The following CD160 variants were observed in gnomAD, a reference collection of about 807,000 sequenced individuals.
CD160 encodes the protein CD160 molecule.
In CD160, 11 loss-of-function variants were observed where a neutral mutation model predicts 19.2. The observed-to-expected ratio is 0.57, with a 90% CI of 0.36 to 0.95. CD160 has a LOEUF of 0.95. CD160 is among the 40% of genes least tolerant of loss of function. The pLI, the probability that CD160 is intolerant of heterozygous loss-of-function variation, is 0.01. For synonymous variants in CD160, 75 were observed against 81.1 expected (o/e 0.93, Z 0.40); for missense variants, 182 against 213.2 (o/e 0.85, Z 0.91).
chr1:145,736,371 A>G, intron 5 of CD160: 1 of 1,211,662 alleles, frequency 8.3e-7, no homozygotes, highest in Non-Finnish European at 1.1e-6. Flanking sequence ...ACTCATTAGG[A>G]ATGAAGGCCT....
chr1:145,721,022 C>A (rs1358137572), intron 1 of CD160, among the ~76,000 whole-genome samples: 1 of 152,202 alleles, frequency 6.6e-6, no homozygotes, highest in Non-Finnish European at 1.5e-5. Flanking sequence ...GCACCCTCCC[C>A]CCTGCCCGCG....
At chr1:145,723,327 AT>A (rs1656925893) in intron 1 of CD160, among the ~76,000 whole-genome samples, 1 of 152,058 alleles carries the variant, frequency 6.6e-6, no homozygotes. Flanking sequence ...ATGTTGTTAC[AT>A]TTTTCTGGAC....
intron 4 of CD160, among the ~76,000 whole-genome samples, chr1:145,735,217 C>T (rs1272348522): frequency 6.6e-6 from 1 of 152,192 alleles, no homozygotes; most frequent in African/African-American, 2.4e-5. Flanking sequence ...TCTCCATGGT[C>T]TTTTGAGCTA....
Position 145,735,381 on chromosome 1 carries a change from T to G in CD160, c.401-616T>G, listed in dbSNP as rs188820525. 1.9e-3 allele frequency among the ~76,000 whole-genome samples: 295 copies of G among 151,820 alleles called. 2 individuals carry two copies. Among genetic ancestry groups the G allele is most frequent in the Non-Finnish European group, 2.6e-3 (178 of 67,906 alleles). On this transcript the variant is annotated intron_variant, in intron 4 of 5. Transcript: ENST00000369288. ...CAGGTGCATCACTTGAACCCAGGAGTTCGAGACCAGCCTGGGCAACACAGT... is the reference window on the plus strand; with the variant it reads ...CAGGTGCATCACTTGAACCCAGGAGGTCGAGACCAGCCTGGGCAACACAGT...
At chr1:145,727,761 C>CA (rs1657109649) in intron 2 of CD160, among the ~76,000 whole-genome samples, 3 of 152,052 alleles carry the variant, frequency 2.0e-5, no homozygotes, top group African/African-American at 7.2e-5. Flanking sequence ...ATACTAATGA[C>CA]CAATAAGCAT....
intron 4 of CD160, among the ~76,000 whole-genome samples, chr1:145,734,485 T>G (rs1247658211): frequency 1.3e-5 from 2 of 152,234 alleles, no homozygotes; most frequent in African/African-American, 2.4e-5. Flanking sequence ...CTATAGCATT[T>G]CATTCTATTT....
At chr1:145,736,277 G>C in intron 5 of CD160, 143 bp downstream of exon 5, 1 of 1,555,514 alleles carries the variant, frequency 6.4e-7, no homozygotes. Flanking sequence ...GCTATCCACA[G>C]GAAAGTTCAA....
chr1:145,726,794 G>A (rs1657068288), intron 2 of CD160, among the ~76,000 whole-genome samples: 1 of 152,030 alleles, frequency 6.6e-6, no homozygotes, highest in Non-Finnish European at 1.5e-5. Flanking sequence ...AATTACTCAA[G>A]AAACAAACTT....
At chr1:145,722,798 G>T (rs978347770) in intron 1 of CD160, among the ~76,000 whole-genome samples, 1 of 152,016 alleles carries the variant, frequency 6.6e-6, no homozygotes, top group Non-Finnish European at 1.5e-5. Context: ...GTTTCACCGT[G>T]TTAGCCAGGA....
intron 2 of CD160, among the ~76,000 whole-genome samples, chr1:145,725,876 T>C (rs1657033298): frequency 6.6e-6 from 1 of 152,130 alleles, no homozygotes; most frequent in Non-Finnish European, 1.5e-5. Context: ...TAATTATCAT[T>C]ATGTACACAT....
At position 145,728,307 on chromosome 1, in the gene CD160, G is replaced by A. The variant is rs781943355; in HGVS notation, c.-21G>A. On this transcript the variant is annotated 5_prime_UTR_variant, in exon 3 of 6. Transcript: ENST00000369288. ...AGCCAACATTTGCTTCAAGTTCCTG[G>A]GCCTGCTGACAGCGTGCAGGATGCT... 1.3e-5 allele frequency: 21 copies of A among 1,600,138 alleles called. No individual in the cohort carries two copies. The highest frequency in any genetic ancestry group is 1.8e-5 in the Non-Finnish European group (21 of 1,169,612).
In CD160 at chr1:145,739,131, TTTA is replaced by T. The variant is rs1294278732; in HGVS notation, c.*639_*641del. 7 of 152,288 alleles carry T rather than the reference TTTA, an allele frequency of 4.6e-5. No homozygotes were observed. Among genetic ancestry groups the T allele is most frequent in the African/African-American group, 1.7e-4 (7 of 41,464 alleles). The allele number at this position is 152,288 out of a possible 1,614,324, so 9.4% of individuals were successfully genotyped here. On this transcript the variant is annotated 3_prime_UTR_variant, in exon 6 of 6. Coordinates refer to ENST00000369288, the MANE Select transcript of CD160 (RefSeq NM_007053.4). ...GTTAACCTCTTTGGTCATTTCTCTT[TTTA>T]AATAAATGCCCATAGCAGTATTTGG...
rs1334770146 is a variant in CD160 at position 145,719,514 on chromosome 1, G to A, written c.-224G>A. 3.3e-5 allele frequency: 5 copies of A among 152,650 alleles called. No individual in the cohort carries two copies. In the South Asian group the frequency reaches 6.2e-4, roughly 19 times the overall value. 9.5% of individuals were successfully genotyped at this position (152,650 alleles called of 1,614,324 possible). On this transcript the variant is annotated 5_prime_UTR_variant, in exon 1 of 6. The change creates a new upstream start codon in the 5' untranslated region. Transcript: ENST00000369288. ...TCTGAGGACTGAGAGCCATTTCAAC[G>A]TGAGCCCCCAGTCTGAGAACAAGAA...
At chr1:145,720,333 T>A (rs1295107197) in intron 1 of CD160, among the ~76,000 whole-genome samples, 1 of 152,218 alleles carries the variant, frequency 6.6e-6, no homozygotes, top group Non-Finnish European at 1.5e-5. Context: ...TTAAATGTTG[T>A]TCTGAGAAGG....
chr1:145,726,260 A>G (rs1486141149), intron 2 of CD160, among the ~76,000 whole-genome samples: 2 of 152,222 alleles, frequency 1.3e-5, no homozygotes, highest in Admixed American at 1.3e-4. Flanking sequence ...ATTATAAATC[A>G]TTCTACGATA....
At chr1:145,725,089 T>A (rs72704257) in intron 2 of CD160, among the ~76,000 whole-genome samples, 183 bp downstream of exon 2, 129,076 of 151,500 alleles carry the variant, frequency 0.85, 55,399 homozygotes, top group African/African-American at 0.95. Context: ...AATTTAAATA[T>A]AATATTATAA....
At chr1:145,729,912 C>T (rs1487310790) in intron 3 of CD160, among the ~76,000 whole-genome samples, 1 of 152,262 alleles carries the variant, frequency 6.6e-6, no homozygotes, top group Non-Finnish European at 1.5e-5. Context: ...CCAGCACTAA[C>T]TTCACTGTGA....
intron 1 of CD160, among the ~76,000 whole-genome samples, 172 bp from the exon 2 acceptor site, chr1:145,724,629 T>G (rs1449896819): frequency 6.6e-6 from 1 of 152,226 alleles, no homozygotes; most frequent in Non-Finnish European, 1.5e-5. Flanking sequence ...ATTGACTTTC[T>G]TTTTTATCCA....
chr1:145,724,898 G>A lies in CD160; in HGVS notation c.-81G>A, dbSNP rs1656990156. On this transcript the variant is annotated 5_prime_UTR_variant, in exon 2 of 6. Transcript: ENST00000369288. ...CCCACCTAAGTCTCTTGAGTAGCTGGGACTTCAGGTACGCACCACCACACG... is the reference window on the plus strand; with the variant it reads ...CCCACCTAAGTCTCTTGAGTAGCTGAGACTTCAGGTACGCACCACCACACG... 6.6e-6 allele frequency: 1 copy of A among 151,656 alleles called. No individual in the cohort carries two copies. Among genetic ancestry groups the A allele is most frequent in the Admixed American group, 6.6e-5 (1 of 15,224 alleles). 9.4% of individuals were successfully genotyped at this position (151,656 alleles called of 1,614,324 possible).
Sources: allele counts gnomAD v4.1 joint callset (sites outside exome capture counted in the v4.1 genomes callset), GRCh38; gene constraint gnomAD v4.1.1; transcripts MANE v1.5; gene names NCBI Gene and HGNC (gene_info 2026-07-23, HGNC 2026-07-21).